The following CEP85L variants were observed in gnomAD, a reference collection of about 807,000 sequenced individuals.
The protein encoded by CEP85L is centrosomal protein 85L.
CEP85L carries 60 observed loss-of-function variants against 100.3 expected under a neutral mutation model. That is an observed-to-expected ratio of 0.60 (90% CI 0.49 to 0.74). The LOEUF is 0.74. Ranked by LOEUF, CEP85L falls within the 30% of genes least tolerant of loss-of-function variation. CEP85L has a pLI of 0.00. For missense variants in CEP85L, 973 were observed against 936.2 expected (o/e 1.04, Z -0.51); for synonymous variants, 319 against 322.7 (o/e 0.99, Z 0.12).
chr6:118,655,035 G>T (rs1775740833), upstream of CEP85L, among the ~76,000 whole-genome samples: 1 of 151,760 alleles, frequency 6.6e-6, no homozygotes, highest in Non-Finnish European at 1.5e-5. Flanking sequence ...CAGGAATTAT[G>T]GTGAAATAGT....
chr6:118,464,572 G>A lies in CEP85L; in HGVS notation c.*833C>T, dbSNP rs907461320. 6.6e-6 allele frequency: 1 copy of A among 151,280 alleles called. No homozygotes were observed. Among genetic ancestry groups the A allele is most frequent in the East Asian group, 1.9e-4 (1 of 5,188 alleles). 9.4% of individuals were successfully genotyped at this position (151,280 alleles called of 1,614,324 possible). A position where few individuals can be genotyped will look rare whatever the true frequency, so the allele number is the denominator to read the frequency against. On this transcript the variant is annotated 3_prime_UTR_variant, in exon 13 of 13. Transcript: ENST00000368491. The stretch of plus-strand genomic sequence containing the variant: ...TCCAATGCCTTTATTAATTATATAT[G>A]GCTTTGTTTACATTTATATATGTAT...
rs149167425 is a variant in CEP85L at position 118,461,147 on chromosome 6, T to G, written c.*4258A>C. The G allele has an allele frequency of 6.6e-6, 1 of 152,230 alleles. No homozygotes were observed. Among genetic ancestry groups the G allele is most frequent in the African/African-American group, 2.4e-5 (1 of 41,538 alleles). 9.4% of individuals were successfully genotyped at this position (152,230 alleles called of 1,614,324 possible). On this transcript the variant is annotated 3_prime_UTR_variant, in exon 13 of 13. Transcript: ENST00000368491. Reference sequence around the variant, plus strand: ...AAAACCACCAGTCATAGTGACTGATTATACACTGTGCTGTGCTTTTTAATG... The same window carrying G: ...AAAACCACCAGTCATAGTGACTGATGATACACTGTGCTGTGCTTTTTAATG...
Position 118,522,187 on chromosome 6 carries a change from C to T in CEP85L, c.1139+1615G>A, listed in dbSNP as rs150959282. On this transcript the variant is annotated intron_variant, in intron 4 of 12. Coordinates refer to ENST00000368491, the MANE Select transcript of CEP85L (RefSeq NM_001042475.3). ...ACCAGCCTGACCAACATAGAGAAAC[C>T]CCGTCTCTACTAAAAATACAAAATT... Among the ~76,000 whole-genome samples the T allele has an allele frequency of 3.7e-3, 556 of 152,054 alleles. 3 individuals are homozygous for T. The highest frequency in any genetic ancestry group is 0.013 in the African/African-American group (530 of 41,462).
At position 118,682,403 on chromosome 6, in the gene CEP85L, CT is replaced by C. The variant is rs369044581; in HGVS notation, c.-28+27632del. ...TAAATACAGGCTTACTAATTCATTG[CT>C]TTCTTTTATTCATTAGTTATGTTTT... On this transcript the variant is annotated intron_variant, in intron 1 of 13. Transcript: ENST00000368488. Among the ~76,000 whole-genome samples the C allele has an allele frequency of 5.9e-4, 90 of 152,090 alleles. 2 individuals are homozygous for C. The East Asian group carries it at 0.017, about 29-fold the overall frequency.
intron 10 of CEP85L, among the ~76,000 whole-genome samples, chr6:118,475,347 A>ATTT (rs34878583): frequency 1.3e-5 from 1 of 79,036 alleles, no homozygotes; most frequent in Admixed American, 1.1e-4. Context: ...TGTAGGTGAC[A>ATTT]TTTTTTTTTT....
intron 2 of CEP85L, among the ~76,000 whole-genome samples, chr6:118,574,482 T>C (rs1269574153): frequency 6.6e-6 from 1 of 152,208 alleles, no homozygotes; most frequent in East Asian, 1.9e-4. Context: ...TGAGTGCTGG[T>C]TCTTCTTTGT....
At chr6:118,493,424 G>A (rs1389851819) in intron 5 of CEP85L, among the ~76,000 whole-genome samples, 1 of 152,092 alleles carries the variant, frequency 6.6e-6, no homozygotes, top group East Asian at 1.9e-4. Context: ...TGATGAAAGG[G>A]AAGAGATGAG....
chr6:118,519,343 G>A lies in CEP85L; in HGVS notation c.1139+4459C>T, dbSNP rs941654197. 2.1e-3 allele frequency among the ~76,000 whole-genome samples: 314 copies of A among 151,604 alleles called. 4 individuals carry two copies. Among genetic ancestry groups the A allele is most frequent in the Non-Finnish European group, 1.4e-3 (92 of 67,892 alleles). ...GTCGCGGGCTACTGGGGAAGCTGAG[G>A]CAGAAGAACTGCATGAACCCGGGAG... On this transcript the variant is annotated intron_variant, in intron 4 of 12. Transcript: ENST00000368491.
chr6:118,519,877 G>C (rs1357936703), intron 4 of CEP85L, among the ~76,000 whole-genome samples: 5 of 151,862 alleles, frequency 3.3e-5, no homozygotes, highest in Non-Finnish European at 7.4e-5. Flanking sequence ...TACAAGAAAA[G>C]AAAAATACAG....
Position 118,460,831 on chromosome 6 carries a change from T to C in CEP85L, c.*4574A>G, listed in dbSNP as rs1582829974. ...AAATTCCAACATCAACAAACAATAGTCCAGTGGAAAAATACTAGCCATTAA... is the reference window on the plus strand; with the variant it reads ...AAATTCCAACATCAACAAACAATAGCCCAGTGGAAAAATACTAGCCATTAA... On this transcript the variant is annotated 3_prime_UTR_variant, in exon 13 of 13. Transcript: ENST00000368491. 6.6e-6 allele frequency: 1 copy of C among 152,082 alleles called. No homozygotes were observed. The highest frequency in any genetic ancestry group is 2.4e-5 in the African/African-American group (1 of 41,416). The allele number at this position is 152,082 out of a possible 1,614,324, so 9.4% of individuals were successfully genotyped here.
At chr6:118,660,957 C>T (rs1434308616) in intron 1 of CEP85L, among the ~76,000 whole-genome samples, 1 of 151,930 alleles carries the variant, frequency 6.6e-6, no homozygotes, top group Non-Finnish European at 1.5e-5. Context: ...ATGATCTCGG[C>T]TCACTGCAAT....
intron 2 of CEP85L, among the ~76,000 whole-genome samples, chr6:118,604,439 A>C (rs1772040242): frequency 6.6e-6 from 1 of 152,210 alleles, no homozygotes; most frequent in African/African-American, 2.4e-5. Context: ...TTCTAACTTA[A>C]AATAATTATT....
intron 2 of CEP85L, among the ~76,000 whole-genome samples, chr6:118,581,163 T>A (rs1003432437): frequency 6.6e-6 from 1 of 152,202 alleles, no homozygotes; most frequent in Admixed American, 6.5e-5. Context: ...ATGTCTTCCA[T>A]AGCCAAATTT....
intron 2 of CEP85L, among the ~76,000 whole-genome samples, chr6:118,631,135 T>A (rs1213494109): frequency 2.0e-5 from 3 of 152,162 alleles, no homozygotes; most frequent in African/African-American, 4.8e-5. Context: ...TAGGAGATAA[T>A]GACATTGGAG....
chr6:118,625,261 T>C lies in CEP85L; in HGVS notation c.232+7192A>G, dbSNP rs139948907. ...TTTTCATCCGTGCTAACATAGCTTA[T>C]TGATGTCTAAAGGGCACCCCAAAAG... On this transcript the variant is annotated intron_variant, in intron 2 of 12. Transcript: ENST00000368491. 9.5e-4 allele frequency among the ~76,000 whole-genome samples: 145 copies of C among 152,378 alleles called. 2 individuals carry two copies. The East Asian group carries it at 0.015, about 16-fold the overall frequency.
chr6:118,655,245 A>G (rs764826764), upstream of CEP85L, among the ~76,000 whole-genome samples: 12 of 152,186 alleles, frequency 7.9e-5, no homozygotes, highest in Non-Finnish European at 1.5e-4. Context: ...AATGAATCTC[A>G]CCTGTACCTT....
intron 3 of CEP85L, chr6:118,559,220 C>G (rs1170686749): frequency 1.3e-6 from 1 of 767,508 alleles, no homozygotes; most frequent in East Asian, 2.5e-5. Context: ...AAGATTAAGA[C>G]TAAAACTTAT....
At chr6:118,656,679 ATAATT>A (rs1256088595), upstream of CEP85L, 3 of 152,224 alleles carry the variant, frequency 2.0e-5, no homozygotes, top group Non-Finnish European at 4.4e-5. Context: ...CATATATGTG[ATAATT>A]TAATACATTC....
chr6:118,565,543 C>G lies in CEP85L; in HGVS notation c.1006G>C (p.Glu336Gln). ...QQIEDFRQGS[E>Q]TPMQVLTGSS... Reference sequence around the variant, plus strand: ...TTGCACCTTACCTGCATTGGTGTTTCACTTCCTTGTCGAAAGTCTTCAATT... The same window carrying G: ...TTGCACCTTACCTGCATTGGTGTTTGACTTCCTTGTCGAAAGTCTTCAATT... The change falls in exon 3 of 13, where the codon GAA (glutamate) becomes CAA (glutamine). Residue 336 changes from glutamate (E) to glutamine (Q), a missense_variant. Glu to Gln is a conservative substitution (Grantham distance 29). Coordinates refer to ENST00000368491, the MANE Select transcript of CEP85L (RefSeq NM_001042475.3). The G allele has an allele frequency of 1.1e-5, 17 of 1,614,152 alleles. No homozygotes were observed. Among genetic ancestry groups the G allele is most frequent in the Non-Finnish European group, 1.4e-5 (17 of 1,180,000 alleles).
Sources: allele counts gnomAD v4.1 joint callset (sites outside exome capture counted in the v4.1 genomes callset), GRCh38; gene constraint gnomAD v4.1.1; transcripts MANE v1.5; gene names NCBI Gene and HGNC (gene_info 2026-07-23, HGNC 2026-07-21).